The following BIRC6 variants were observed in gnomAD, a reference collection of about 807,000 sequenced individuals.
BIRC6 encodes dual E2 ubiquitin-conjugating enzyme/E3 ubiquitin-protein ligase BIRC6.
Under a neutral mutation model 503.3 loss-of-function variants are expected in BIRC6, and 98 were observed. The ratio of observed to expected loss-of-function variants is 0.19; its 90% confidence interval spans 0.17 to 0.23. BIRC6 has a LOEUF of 0.23. BIRC6 is among the 10% of genes least tolerant of loss of function. The pLI is 1.00. For synonymous variants in BIRC6, 2,240 were observed against 2,078.7 expected (o/e 1.08, Z -2.11); for missense variants, 5,360 against 5,806.0 (o/e 0.92, Z 2.50).
At chr2:32,400,124 T>G (rs192351444) in intron 6 of BIRC6, among the ~76,000 whole-genome samples, 5 of 152,148 alleles carry the variant, frequency 3.3e-5, no homozygotes, top group African/African-American at 1.2e-4. Context: ...CTTGTTATGT[T>G]TTTAATTTAA....
At chr2:32,509,614 A>C in intron 51 of BIRC6, 124 bp from the exon 52 acceptor site, 1 of 1,097,222 alleles carries the variant, frequency 9.1e-7, no homozygotes, top group African/African-American at 1.6e-5. Context: ...TTCTAAAAAA[A>C]CATGTCTTAG....
intron 1 of BIRC6, among the ~76,000 whole-genome samples, chr2:32,374,787 A>G (rs1406138362): frequency 6.6e-6 from 1 of 151,994 alleles, no homozygotes; most frequent in Non-Finnish European, 1.5e-5. Flanking sequence ...TTTAATTTTT[A>G]AATTAAGATA....
At chr2:32,561,819 G>A (rs886395914) in intron 65 of BIRC6, among the ~76,000 whole-genome samples, 11 of 150,386 alleles carry the variant, frequency 7.3e-5, no homozygotes, top group African/African-American at 1.9e-4. Context: ...TGAGGCGGGC[G>A]GATCACGAGG....
intron 10 of BIRC6, among the ~76,000 whole-genome samples, chr2:32,418,223 G>A (rs1168919918): frequency 6.6e-6 from 1 of 152,184 alleles, no homozygotes; most frequent in African/African-American, 2.4e-5. Flanking sequence ...GAGAATTTCA[G>A]AACAACCATT....
At chr2:32,410,028 C>T (rs1167543814) in intron 9 of BIRC6, among the ~76,000 whole-genome samples, 2 of 152,164 alleles carry the variant, frequency 1.3e-5, no homozygotes, top group Non-Finnish European at 2.9e-5. Flanking sequence ...AATAAAGTCT[C>T]ACCTCACATA....
At chr2:32,375,743 C>A (rs78754205) in intron 1 of BIRC6, among the ~76,000 whole-genome samples, 1 of 138,380 alleles carries the variant, frequency 7.2e-6, no homozygotes, top group African/African-American at 2.7e-5. Context: ...CTTTCTCTCT[C>A]TTTTTTTTTT....
At chr2:32,460,219 TATCTC>T (rs1254531695) in intron 23 of BIRC6, among the ~76,000 whole-genome samples, 4 of 136,740 alleles carry the variant, frequency 2.9e-5, no homozygotes, top group African/African-American at 1.1e-4. Context: ...GATATATATA[TATCTC>T]ATATGATATA....
At chr2:32,447,563 C>T (rs1293840206) in intron 21 of BIRC6, among the ~76,000 whole-genome samples, 3 of 102,756 alleles carry the variant, frequency 2.9e-5, no homozygotes, top group Admixed American at 8.7e-5. Context: ...CGGGCAGAGG[C>T]GCCCCTCACC....
chr2:32,424,776 G>A (rs1464237006), intron 10 of BIRC6, among the ~76,000 whole-genome samples: 5 of 151,992 alleles, frequency 3.3e-5, no homozygotes, highest in Non-Finnish European at 5.9e-5. Flanking sequence ...CCCACCCAAC[G>A]TGCTGGGATT....
chr2:32,519,409 C>A (rs2055397200), intron 57 of BIRC6, among the ~76,000 whole-genome samples: 1 of 152,164 alleles, frequency 6.6e-6, no homozygotes, highest in Non-Finnish European at 1.5e-5. Flanking sequence ...AACATTTTCC[C>A]CTAGGTTCTT....
rs377086289 is a variant in BIRC6 at position 32,401,248 on chromosome 2, A to G, written c.1120A>G (p.Thr374Ala). ...TGTGCCATTGTCAGTCACTCTTGCA[A>G]CAAGTCCTGCACAGTTTCCTTGTAC... Reference protein sequence around the residue: ...QNVPLSVTLATSPAQFPCTDG... With the variant: ...QNVPLSVTLAASPAQFPCTDG... The change falls in exon 7 of 74, where the codon ACA becomes GCA. Residue 374 changes from threonine to alanine, a missense_variant. Physicochemically the swap from Thr to Ala is moderately conservative, Grantham distance 58 (BLOSUM62 0). Around this residue, in one of 16 missense-constraint regions of BIRC6, gnomAD observed 92 missense variants for 176.7 expected, o/e 0.52. Coordinates refer to ENST00000421745, the MANE Select transcript of BIRC6 (RefSeq NM_016252.4). 2 of 1,614,040 alleles carry G rather than the reference A, an allele frequency of 1.2e-6. No individual in the cohort carries two copies. The highest frequency in any genetic ancestry group is 1.1e-5 in the South Asian group (1 of 91,090).
intron 61 of BIRC6, among the ~76,000 whole-genome samples, chr2:32,538,510 C>G (rs1323922276): frequency 6.6e-6 from 1 of 152,158 alleles, no homozygotes; most frequent in Non-Finnish European, 1.5e-5. Flanking sequence ...ATAGACTCTT[C>G]TAATAAATTA....
At chr2:32,447,095 A>C (rs1343478625) in intron 21 of BIRC6, among the ~76,000 whole-genome samples, 11 of 147,588 alleles carry the variant, frequency 7.5e-5, no homozygotes, top group Admixed American at 2.7e-4. Context: ...ACAGGATCCC[A>C]AGGCAGGAGA....
At chr2:32,571,865 A>G (rs929785165) in intron 65 of BIRC6, among the ~76,000 whole-genome samples, 2 of 152,054 alleles carry the variant, frequency 1.3e-5, no homozygotes, top group African/African-American at 4.8e-5. Flanking sequence ...TTTTAAGGCT[A>G]TACACTTCTC....
chr2:32,375,523 G>A (rs1435606776), intron 1 of BIRC6, among the ~76,000 whole-genome samples: 1 of 151,972 alleles, frequency 6.6e-6, no homozygotes, highest in African/African-American at 2.4e-5. Flanking sequence ...TCCAGACCTT[G>A]TGATCCGCCC....
chr2:32,465,202 T>TTG, intron 26 of BIRC6, 38 bp downstream of exon 26: 2 of 1,176,978 alleles, frequency 1.7e-6, no homozygotes, highest in Non-Finnish European at 2.3e-6. Flanking sequence ...TTTTTTTTTT[T>TTG]TTGCTTAGTC....
chr2:32,432,527 C>T (rs2044242652), intron 12 of BIRC6, among the ~76,000 whole-genome samples: 1 of 151,990 alleles, frequency 6.6e-6, no homozygotes. Context: ...GAGACTGACG[C>T]AGGAGGATCA....
intron 1 of BIRC6, among the ~76,000 whole-genome samples, chr2:32,358,441 A>G (rs943424811): frequency 1.4e-4 from 22 of 152,176 alleles, no homozygotes; most frequent in Middle Eastern, 6.8e-3. Flanking sequence ...GCTGAGTTAG[A>G]TTTGGCGGAG....
chr2:32,539,881 T>C (rs946229823), intron 61 of BIRC6, among the ~76,000 whole-genome samples: 2 of 152,082 alleles, frequency 1.3e-5, no homozygotes, highest in African/African-American at 4.8e-5. Context: ...TTGAGACTTC[T>C]AGTAAAATTG....
Sources: gnomAD v4.1 joint callset for allele counts (sites outside exome capture counted in the v4.1 genomes callset) on GRCh38, gnomAD v4.1.1 for gene constraint, gnomAD v4.1.1 regional missense constraint, MANE v1.5 for transcripts, NCBI Gene and HGNC (gene_info 2026-07-23, HGNC 2026-07-21) for gene names.